Variants in ARHGEF10 observed in about 807,000 individuals in gnomAD.
The protein encoded by ARHGEF10 is Rho guanine nucleotide exchange factor (GEF) 10.
A neutral mutation model predicts 147.4 loss-of-function variants in ARHGEF10; 140 were observed. That is an observed-to-expected ratio of 0.95 (90% CI 0.83 to 1.09). The LOEUF is 1.09. Ranked by LOEUF, ARHGEF10 falls within the 50% of genes least tolerant of loss-of-function variation. The probability of loss-of-function intolerance (pLI) is 0.00; values close to 1 mark genes in which losing one functional copy is unlikely to be tolerated. For synonymous variants in ARHGEF10, 902 were observed against 695.8 expected, an observed-to-expected ratio of 1.30 and a Z score of -4.67; for missense variants, 2,222 against 1,752.7, an observed-to-expected ratio of 1.27 and a Z score of -4.78.
chr8:1,918,734 A>T (rs146334395), intron 18 of ARHGEF10, among the ~76,000 whole-genome samples: 2 of 152,308 alleles, frequency 1.3e-5, no homozygotes, highest in African/African-American at 4.8e-5. Context: ...TCTTGAACCT[A>T]TTCCTCCCAA....
At chr8:1,890,145 T>TTTGTGAGGAGACACTGAATAGGGTGAGGG (rs1809349539) in intron 11 of ARHGEF10, among the ~76,000 whole-genome samples, 9 of 25,770 alleles carry the variant, frequency 3.5e-4, no homozygotes, top group African/African-American at 9.8e-4. Flanking sequence ...GGGGTGAGGG[T>TTTGTGAGGAGACACTGAATAGGGTGAGGG]TTGTGAGGAG....
At chr8:1,886,282 G>A (rs7387660) in intron 11 of ARHGEF10, among the ~76,000 whole-genome samples, 6 of 152,142 alleles carry the variant, frequency 3.9e-5, no homozygotes, top group African/African-American at 1.4e-4. Flanking sequence ...AGCAGCAGGG[G>A]CTGATACTTT....
chr8:1,862,871 C>T (rs185450388), intron 4 of ARHGEF10, among the ~76,000 whole-genome samples: 1,717 of 150,904 alleles, frequency 0.011, 15 homozygotes, highest in Admixed American at 0.02. Flanking sequence ...CTCCGCCTCC[C>T]GGGTTCACAC....
chr8:1,883,646 C>T (rs1007312564), intron 10 of ARHGEF10, among the ~76,000 whole-genome samples: 1 of 152,122 alleles, frequency 6.6e-6, no homozygotes, highest in Non-Finnish European at 1.5e-5. Flanking sequence ...CTGTCAGCAT[C>T]CCCGAGGGGT....
At chr8:1,883,956 T>C (rs1413623061) in intron 10 of ARHGEF10, among the ~76,000 whole-genome samples, 1 of 151,996 alleles carries the variant, frequency 6.6e-6, no homozygotes, top group Non-Finnish European at 1.5e-5. Context: ...TGAGCCAGGA[T>C]TTGCAGGCTG....
chr8:1,857,927 T>TATCTCTCC, intron 2 of ARHGEF10, 33 bp from the exon 3 acceptor site: 1 of 1,516,820 alleles, frequency 6.6e-7, no homozygotes. Flanking sequence ...TCTATCTATC[T>TATCTCTCC]CTCCTTGATG....
chr8:1,851,098 G>A (rs1805101322), intron 2 of ARHGEF10, among the ~76,000 whole-genome samples: 1 of 152,034 alleles, frequency 6.6e-6, no homozygotes, highest in Non-Finnish European at 1.5e-5. Flanking sequence ...TGATAATGGT[G>A]CATCCATGTC....
intron 26 of ARHGEF10, among the ~76,000 whole-genome samples, chr8:1,940,466 T>G (rs11782584): frequency 6.6e-6 from 1 of 152,106 alleles, no homozygotes. Context: ...CTAAAAGTAG[T>G]AAGGAAATTG....
chr8:1,878,828 G>T (rs1292368161), intron 8 of ARHGEF10, among the ~76,000 whole-genome samples: 2 of 152,290 alleles, frequency 1.3e-5, no homozygotes, highest in East Asian at 1.9e-4. Context: ...TCCCTGCTGG[G>T]CGAAGGAGCT....
At chr8:1,837,434 A>T (rs1803652704) in intron 1 of ARHGEF10, among the ~76,000 whole-genome samples, 2 of 152,260 alleles carry the variant, frequency 1.3e-5, no homozygotes, top group Admixed American at 1.3e-4. Context: ...TAAGATTATC[A>T]GTGGAAAAAT....
chr8:1,912,164 A>C (rs1262036723), intron 18 of ARHGEF10, among the ~76,000 whole-genome samples: 1 of 152,054 alleles, frequency 6.6e-6, no homozygotes, highest in South Asian at 2.1e-4. Flanking sequence ...TGTCCCTGCA[A>C]AAGCGCCGTG....
At chr8:1,905,787 G>T (rs575537119) in intron 17 of ARHGEF10, 71 bp downstream of exon 17, 1 of 1,581,586 alleles carries the variant, frequency 6.3e-7, no homozygotes, top group East Asian at 2.2e-5. Context: ...GCACATGCAT[G>T]ACTTTGTTAA....
At chr8:1,867,083 C>A (rs536329990) in intron 6 of ARHGEF10, among the ~76,000 whole-genome samples, 6 of 147,218 alleles carry the variant, frequency 4.1e-5, no homozygotes, top group African/African-American at 5.0e-5. Flanking sequence ...TTTATCTAAT[C>A]GTACAAATTT....
rs754250622 is a variant in ARHGEF10, at chr8:1,880,184, C to T, written c.960+20C>T. ...CTGAAGGTAGAGTCTTGCCCCCGGCCGCTGCCCCCACTTGCCAGCCGGGCA... is the reference window on the plus strand; with the variant it reads ...CTGAAGGTAGAGTCTTGCCCCCGGCTGCTGCCCCCACTTGCCAGCCGGGCA... On this transcript the variant is annotated intron_variant, in intron 9 of 28. Transcript: ENST00000349830. The T allele has an allele frequency of 1.1e-5, 17 of 1,565,814 alleles. No individual in the cohort carries two copies. Among genetic ancestry groups the T allele is most frequent in the East Asian group, 4.5e-5 (2 of 44,700 alleles).
chr8:1,864,929 CGTGTTATCACTGGTGATCTAAAATGTATT>C (rs1414127697), intron 5 of ARHGEF10, among the ~76,000 whole-genome samples: 5 of 152,068 alleles, frequency 3.3e-5, no homozygotes, highest in Non-Finnish European at 7.4e-5. Context: ...TTAGTGGTAG[CGTGTTATCACTGGTGATCTAAAATGTATT>C]GTGAAAAATA....
chr8:1,829,399 C>T (rs1183604452), intron 1 of ARHGEF10, among the ~76,000 whole-genome samples: 1 of 152,206 alleles, frequency 6.6e-6, no homozygotes, highest in Non-Finnish European at 1.5e-5. Flanking sequence ...CTGTGTGGGC[C>T]GGGCCAGCTT....
In ARHGEF10 at chr8:1,841,302, G is replaced by A. The variant is rs143433996; in HGVS notation, c.-47-2051G>A. 1.2e-4 allele frequency among the ~76,000 whole-genome samples: 18 copies of A among 152,340 alleles called. No homozygotes were observed. In the East Asian group the frequency reaches 3.5e-3, roughly 29 times the overall value. ...GTAGAAGGTTATTTGGGTCACGTGT[G>A]AGGCCTGCAGCCCAGGAGCCTGGAT... is the stretch of plus-strand genomic sequence containing the variant. On this transcript the variant is annotated intron_variant, in intron 1 of 28. Transcript: ENST00000349830.
rs1162240209 is a variant in ARHGEF10 at position 1,937,113 on chromosome 8, A to G, written c.3222+3171A>G. On this transcript the variant is annotated intron_variant, in intron 26 of 28. Transcript: ENST00000349830. This position sits in a 1 kb window ranked among gnomAD's most constrained non-coding sequence, Gnocchi z 4.9. ...GACCTGGTCTGCTAGACAGGAACAG[A>G]AAATAGCTGGACAGGGAGGTTGGGG... Among the ~76,000 whole-genome samples the G allele has an allele frequency of 6.6e-6, 1 of 152,196 alleles. No homozygotes were observed. Among genetic ancestry groups the G allele is most frequent in the Admixed American group, 6.5e-5 (1 of 15,280 alleles).
chr8:1,887,614 G>T (rs928849145), intron 11 of ARHGEF10, among the ~76,000 whole-genome samples: 3 of 151,634 alleles, frequency 2.0e-5, no homozygotes, highest in African/African-American at 7.3e-5. Flanking sequence ...CCCTGAGCAG[G>T]TGAGGGTTGT....
Sources: gnomAD v4.1 joint callset for allele counts (sites outside exome capture counted in the v4.1 genomes callset) on GRCh38, gnomAD v4.1.1 for gene constraint, Gnocchi (gnomAD v3.1) non-coding constraint, MANE v1.5 for transcripts, NCBI Gene and HGNC (gene_info 2026-07-23, HGNC 2026-07-21) for gene names.